Variants in OR9Q1 observed in about 807,000 individuals in gnomAD.
OR9Q1 encodes the protein olfactory receptor family 9 subfamily Q member 1.
For synonymous variants in OR9Q1, 153 were observed against 148.6 expected (o/e 1.03, Z -0.22); for missense variants, 374 against 378.8 (o/e 0.99, Z 0.11).
chr11:58,158,675 T>G (rs1038231525), intron 2 of OR9Q1, among the ~76,000 whole-genome samples: 1 of 152,172 alleles, frequency 6.6e-6, no homozygotes, highest in Non-Finnish European at 1.5e-5. Context: ...CATAGTTCAC[T>G]GAAACAGGAG....
chr11:58,105,283 G>A lies in OR9Q1; in HGVS notation c.-15+49336G>A, dbSNP rs532728184. On this transcript the variant is annotated intron_variant, in intron 2 of 2. Transcript: ENST00000335397. The stretch of plus-strand genomic sequence containing the variant: ...AGTTGCCATGACATGCAAATGAAAT[G>A]ACGACAATGCTCTGTAAGATTTATT... 3.3e-5 allele frequency among the ~76,000 whole-genome samples: 5 copies of A among 152,210 alleles called. No individual in the cohort carries two copies. In the South Asian group the frequency reaches 1.0e-3, roughly 32 times the overall value.
chr11:58,144,811 G>A, intron 2 of OR9Q1: 1 of 128,412 alleles, frequency 7.8e-6, no homozygotes. Flanking sequence ...TGCTAGCATT[G>A]AGTGTTTCCT....
chr11:58,143,639 G>C (rs1565088931), intron 2 of OR9Q1, among the ~76,000 whole-genome samples: 1 of 152,138 alleles, frequency 6.6e-6, no homozygotes, highest in Admixed American at 6.6e-5. Flanking sequence ...TTATAAGTGG[G>C]AGATGAACAA....
chr11:58,173,242 C>T (rs1360963583), intron 2 of OR9Q1, among the ~76,000 whole-genome samples: 3 of 150,564 alleles, frequency 2.0e-5, no homozygotes, highest in African/African-American at 4.9e-5. Context: ...CCCATTAACT[C>T]GTCATTTAGC....
In OR9Q1 at chr11:58,053,612, A is replaced by AAT. The variant is rs138801860; in HGVS notation, c.-92-2244_-92-2243dup. Among the ~76,000 whole-genome samples, 635 of 94,754 alleles carry AAT rather than the reference A, an allele frequency of 6.7e-3. 10 individuals are homozygous for AAT. Among genetic ancestry groups the AAT allele is most frequent in the African/African-American group, 0.029 (595 of 20,434 alleles). 62.2% of individuals were successfully genotyped at this position (94,754 alleles called of 152,430 possible). On this transcript the variant is annotated intron_variant, in intron 1 of 2. Transcript: ENST00000335397. ...TTAAAGTATAATAATAAAATTAAAAAATATATATATATATAAAATATATAT... is the reference window on the plus strand; with the variant it reads ...TTAAAGTATAATAATAAAATTAAAAAATATATATATATATATAAAATATATAT...
chr11:58,166,314 G>C (rs1175697918), intron 2 of OR9Q1, among the ~76,000 whole-genome samples: 2 of 152,118 alleles, frequency 1.3e-5, no homozygotes, highest in Admixed American at 1.3e-4. Context: ...TTTTACCTCT[G>C]TTTCCCAATC....
At chr11:58,148,377 A>G (rs930892115) in intron 2 of OR9Q1, among the ~76,000 whole-genome samples, 1 of 152,214 alleles carries the variant, frequency 6.6e-6, no homozygotes, top group African/African-American at 2.4e-5. Context: ...AGTGCTTCAG[A>G]TAAGAGCAAA....
At chr11:58,077,277 G>A (rs578138253) in intron 2 of OR9Q1, 72 of 152,318 alleles carry the variant, frequency 4.7e-4, no homozygotes, top group African/African-American at 1.7e-3. Context: ...TACTGGGGAA[G>A]TCACATCCTG....
intron 2 of OR9Q1, among the ~76,000 whole-genome samples, chr11:58,140,223 C>G (rs530224954): frequency 2.6e-4 from 39 of 150,776 alleles, no homozygotes; most frequent in Admixed American, 6.6e-4. Context: ...AAATTTTCTC[C>G]CATTCTGTAG....
intron 2 of OR9Q1, among the ~76,000 whole-genome samples, chr11:58,130,589 C>T (rs1341287347): frequency 1.3e-5 from 2 of 151,938 alleles, no homozygotes; most frequent in East Asian, 1.9e-4. Flanking sequence ...GCTAGGAGTT[C>T]GAGACCAGCC....
chr11:58,074,353 T>C (rs1853518175), intron 2 of OR9Q1, among the ~76,000 whole-genome samples: 2 of 152,366 alleles, frequency 1.3e-5, no homozygotes, highest in South Asian at 4.1e-4. Flanking sequence ...ATTTCTCTAA[T>C]GACCAGTGAT....
chr11:58,105,612 T>G (rs1352507290), intron 2 of OR9Q1, among the ~76,000 whole-genome samples: 1 of 152,192 alleles, frequency 6.6e-6, no homozygotes, highest in Non-Finnish European at 1.5e-5. Context: ...TCATCTTTTT[T>G]AAGTGTAACT....
chr11:58,130,189 TC>T (rs1278335051), intron 2 of OR9Q1, among the ~76,000 whole-genome samples: 2 of 152,154 alleles, frequency 1.3e-5, no homozygotes, highest in Admixed American at 1.3e-4. Flanking sequence ...CCTTAATGTT[TC>T]TACAATTCAA....
At chr11:58,143,513 C>G in intron 2 of OR9Q1, among the ~76,000 whole-genome samples, 1 of 152,188 alleles carries the variant, frequency 6.6e-6, no homozygotes, top group South Asian at 2.1e-4. Context: ...GCCTATTTAC[C>G]AATTGTGAAA....
At chr11:58,151,698 C>T (rs1486908990) in intron 2 of OR9Q1, among the ~76,000 whole-genome samples, 1 of 152,084 alleles carries the variant, frequency 6.6e-6, no homozygotes. Context: ...ACAACCAGTC[C>T]TTACTGAGAA....
rs555703058 is a variant in OR9Q1 at position 58,053,662 on chromosome 11, A to T, written c.-92-2208A>T. 8.0e-3 allele frequency among the ~76,000 whole-genome samples: 1,046 copies of T among 130,082 alleles called. 23 individuals carry two copies. The highest frequency in any genetic ancestry group is 0.029 in the African/African-American group (985 of 34,410). 85.3% of individuals were successfully genotyped at this position (130,082 alleles called of 152,430 possible). A position where few individuals can be genotyped will look rare whatever the true frequency, so the allele number is the denominator to read the frequency against. ...TATATATAAATTATATATATATAAA[A>T]TATATATATAAAATAAAAATATTTA... On this transcript the variant is annotated intron_variant, in intron 1 of 2. Coordinates refer to ENST00000335397, the MANE Select transcript of OR9Q1 (RefSeq NM_001005212.4).
chr11:58,136,810 C>T (rs984319285), intron 2 of OR9Q1, among the ~76,000 whole-genome samples: 1 of 152,178 alleles, frequency 6.6e-6, no homozygotes, highest in African/African-American at 2.4e-5. Context: ...CTCCCAATCC[C>T]CCTTCAGACT....
chr11:58,153,979 T>C (rs12803960), intron 2 of OR9Q1, among the ~76,000 whole-genome samples: 31,048 of 151,820 alleles, frequency 0.2, 3,630 homozygotes, highest in Non-Finnish European at 0.27. Context: ...AATAATAGAG[T>C]GTAAGGGTCA....
intron 2 of OR9Q1, among the ~76,000 whole-genome samples, chr11:58,101,522 T>G (rs1353027591): frequency 2.0e-5 from 3 of 151,106 alleles, no homozygotes; most frequent in African/African-American, 7.3e-5. Flanking sequence ...CCGTGTAGAT[T>G]CTAGTTATTA....
Sources: allele counts gnomAD v4.1 joint callset (sites outside exome capture counted in the v4.1 genomes callset), GRCh38; gene constraint gnomAD v4.1.1; transcripts MANE v1.5; gene names NCBI Gene and HGNC (gene_info 2026-07-23, HGNC 2026-07-21).